The following INPP4B variants were observed in gnomAD, a reference collection of about 807,000 sequenced individuals.
INPP4B encodes inositol polyphosphate 4-phosphatase type II.
In INPP4B, 55 loss-of-function variants were observed where a neutral mutation model predicts 122.5. The ratio of observed to expected loss-of-function variants is 0.45; its 90% CI spans 0.36 to 0.56. INPP4B has a LOEUF of 0.56. Among genes scored for constraint, INPP4B ranks in the 20% least tolerant of loss-of-function variants. The pLI, the probability that INPP4B is intolerant of heterozygous loss-of-function variation, is 0.00. For synonymous variants in INPP4B, 403 were observed against 388.7 expected (o/e 1.04, Z -0.43); for missense variants, 1,000 against 1,097.7 (o/e 0.91, Z 1.26).
chr4:142,451,244 T>C (rs35506955), intron 3 of INPP4B, among the ~76,000 whole-genome samples: 2 of 145,654 alleles, frequency 1.4e-5, no homozygotes, highest in Non-Finnish European at 3.0e-5. Context: ...TTTGTTGCTG[T>C]TGTTTTTTTT....
intron 17 of INPP4B, among the ~76,000 whole-genome samples, chr4:142,150,589 A>G (rs1033242200): frequency 1.3e-5 from 2 of 152,204 alleles, no homozygotes; most frequent in Non-Finnish European, 2.9e-5. Context: ...CAATAAGGTC[A>G]TGGAGTCAGT....
intron 2 of INPP4B, among the ~76,000 whole-genome samples, chr4:142,475,204 G>C (rs1200408062): frequency 6.6e-6 from 1 of 151,994 alleles, no homozygotes; most frequent in African/African-American, 2.4e-5. Context: ...CCCAGGAGTA[G>C]AATAGAATCA....
chr4:142,311,233 ATG>A (rs1765407402), intron 8 of INPP4B, among the ~76,000 whole-genome samples: 1 of 152,174 alleles, frequency 6.6e-6, no homozygotes, highest in Non-Finnish European at 1.5e-5. Flanking sequence ...GGTGGTCAAC[ATG>A]TGTTAACTTC....
intron 2 of INPP4B, among the ~76,000 whole-genome samples, chr4:142,648,505 CAAG>C (rs1752275479): frequency 6.6e-6 from 1 of 152,226 alleles, no homozygotes; most frequent in African/African-American, 2.4e-5. Context: ...AACAAGCAGA[CAAG>C]GAGATTCTCT....
At chr4:142,565,910 C>T (rs1731515603) in intron 2 of INPP4B, 1 of 152,160 alleles carries the variant, frequency 6.6e-6, no homozygotes, top group Middle Eastern at 3.2e-3. Context: ...GAGAAAACAT[C>T]AGAGGAAGTG....
intron 14 of INPP4B, among the ~76,000 whole-genome samples, chr4:142,197,955 C>T (rs538387397): frequency 9.9e-5 from 15 of 152,162 alleles, no homozygotes; most frequent in South Asian, 6.2e-4. Context: ...ATCTTAGTCA[C>T]GCTTAGATTT....
intron 2 of INPP4B, among the ~76,000 whole-genome samples, chr4:142,576,066 C>T (rs1269371353): frequency 6.6e-6 from 1 of 152,012 alleles, no homozygotes; most frequent in Non-Finnish European, 1.5e-5. Flanking sequence ...TTCCCAATAG[C>T]CTACGAGTAA....
chr4:142,421,869 C>T (rs139932784), intron 5 of INPP4B, among the ~76,000 whole-genome samples: 1 of 152,184 alleles, frequency 6.6e-6, no homozygotes, highest in African/African-American at 2.4e-5. Context: ...TTTGCCCTTA[C>T]CACAATCTGC....
intron 2 of INPP4B, among the ~76,000 whole-genome samples, chr4:142,524,644 T>C (rs1366550858): frequency 6.6e-6 from 1 of 152,160 alleles, no homozygotes; most frequent in African/African-American, 2.4e-5. Context: ...AACCACATGA[T>C]TATCTCAATA....
intron 2 of INPP4B, among the ~76,000 whole-genome samples, chr4:142,593,947 C>G (rs1053023936): frequency 1.3e-5 from 2 of 151,892 alleles, no homozygotes; most frequent in African/African-American, 4.8e-5. Context: ...CTTATTATAT[C>G]TTAGATCTTT....
chr4:142,690,643 G>A (rs940876301), intron 2 of INPP4B, among the ~76,000 whole-genome samples: 1 of 152,112 alleles, frequency 6.6e-6, no homozygotes, highest in African/African-American at 2.4e-5. Context: ...TGGAGAACTG[G>A]CAAAAAGGAC....
chr4:142,314,418 G>A (rs1235388381), intron 8 of INPP4B, among the ~76,000 whole-genome samples: 2 of 152,008 alleles, frequency 1.3e-5, no homozygotes, highest in Non-Finnish European at 2.9e-5. Context: ...ACCTCCTGTT[G>A]GTCCAGAAAT....
intron 18 of INPP4B, among the ~76,000 whole-genome samples, chr4:142,130,849 C>T (rs1800891958): frequency 6.6e-6 from 1 of 152,138 alleles, no homozygotes; most frequent in Non-Finnish European, 1.5e-5. Context: ...TCCAGGGAAC[C>T]TTGTTTGTTT....
Position 142,623,727 on chromosome 4 carries a change from C to T in INPP4B, c.-191+102112G>A, listed in dbSNP as rs913290790. Among the ~76,000 whole-genome samples, 3 of 150,376 alleles carry T rather than the reference C, an allele frequency of 2.0e-5. 1 individual carries two copies. Among genetic ancestry groups the T allele is most frequent in the Non-Finnish European group, 4.4e-5 (3 of 67,686 alleles). On this transcript the variant is annotated intron_variant, in intron 2 of 25. Coordinates refer to ENST00000262992, the MANE Select transcript of INPP4B (RefSeq NM_001101669.3). ...ATGCTATCCCTCCCCCCTCACCCCA[C>T]CCCACAACAGTCCCCAGAGTGTGAT... is the stretch of plus-strand genomic sequence containing the variant.
intron 2 of INPP4B, among the ~76,000 whole-genome samples, chr4:142,482,018 C>G (rs1258239376): frequency 6.6e-6 from 1 of 152,156 alleles, no homozygotes; most frequent in Admixed American, 6.6e-5. Flanking sequence ...GAATAGAGAG[C>G]AGGACTTCCT....
At chr4:142,712,679 A>G (rs1276327525) in intron 2 of INPP4B, among the ~76,000 whole-genome samples, 2 of 152,220 alleles carry the variant, frequency 1.3e-5, no homozygotes, top group African/African-American at 4.8e-5. Flanking sequence ...ATAGCATTTT[A>G]AAGACATATT....
intron 1 of INPP4B, among the ~76,000 whole-genome samples, chr4:142,810,113 T>G (rs944405422): frequency 2.1e-5 from 3 of 145,424 alleles, no homozygotes; most frequent in African/African-American, 7.8e-5. Context: ...GAGGTTGCAG[T>G]GAGCCGAGAT....
At chr4:142,228,678 T>C (rs1165358034) in intron 12 of INPP4B, among the ~76,000 whole-genome samples, 1 of 151,712 alleles carries the variant, frequency 6.6e-6, no homozygotes, top group Non-Finnish European at 1.5e-5. Flanking sequence ...ACTTTCTAAG[T>C]ACAATAGAAA....
At chr4:142,193,455 G>A (rs1396115755) in intron 14 of INPP4B, among the ~76,000 whole-genome samples, 1 of 152,104 alleles carries the variant, frequency 6.6e-6, no homozygotes, top group Non-Finnish European at 1.5e-5. Flanking sequence ...GTGTAGAACA[G>A]TGTGTTCTCT....
Sources: gnomAD v4.1 joint callset for allele counts (sites outside exome capture counted in the v4.1 genomes callset) on GRCh38, gnomAD v4.1.1 for gene constraint, MANE v1.5 for transcripts, NCBI Gene and HGNC (gene_info 2026-07-23, HGNC 2026-07-21) for gene names.